Variants in SLC38A11 observed in about 807,000 individuals in gnomAD.
SLC38A11 encodes the protein putative sodium-coupled neutral amino acid transporter 11.
Under a neutral mutation model 49.4 loss-of-function variants are expected in SLC38A11, and 51 were observed. That is an observed-to-expected ratio of 1.03 (90% CI 0.83 to 1.30). SLC38A11 has a LOEUF of 1.30. Ranked by LOEUF, SLC38A11 falls within the 50% of genes most tolerant of loss-of-function variation. SLC38A11 has a pLI of 0.00. For missense variants in SLC38A11, 574 were observed against 556.2 expected (o/e 1.03, Z -0.32); for synonymous variants, 203 against 192.9 (o/e 1.05, Z -0.43).
chr2:164,908,641 T>C lies in SLC38A11; in HGVS notation c.1094A>G (p.Asn365Ser), dbSNP rs552317069. ...GGGTAAATCTTTGCACGTACTCACA[T>C]TGAGTTCTAGAACTATCCCGAGGCA... is the stretch of plus-strand genomic sequence containing the variant. The part of the protein sequence containing the change: ...IDCLGIVLEL[N>S]GVLCATPLIF... The change falls in exon 11 of 12, where the codon AAT (asparagine) becomes AGT (serine). Residue 365 changes from asparagine to serine, a missense_variant and splice_region_variant. Transcript: ENST00000685975. 9 of 1,544,932 alleles carry C rather than the reference T, an allele frequency of 5.8e-6. No individual in the cohort carries two copies. Among genetic ancestry groups the C allele is most frequent in the East Asian group, 4.8e-5 (2 of 42,074 alleles).
intron 11 of SLC38A11, among the ~76,000 whole-genome samples, chr2:164,907,011 A>G (rs1685052878): frequency 6.6e-6 from 1 of 152,178 alleles, no homozygotes; most frequent in South Asian, 2.1e-4. Flanking sequence ...CCTGTGGTGC[A>G]TGACCAATAA....
chr2:164,920,601 A>G (rs779160221), intron 7 of SLC38A11, among the ~76,000 whole-genome samples: 1 of 152,156 alleles, frequency 6.6e-6, no homozygotes, highest in Non-Finnish European at 1.5e-5. Flanking sequence ...GACTATTGAG[A>G]GTAGAAGATG....
chr2:164,915,225 T>C lies in SLC38A11; in HGVS notation c.737A>G (p.Glu246Gly), dbSNP rs1443301879. The part of the protein sequence containing the change: ...NSFLVYSSLE[E>G]PTVAKWSRLI... Reference sequence around the variant, plus strand: ...GCGGGACCACTTAGCTACTGTGGGTTCTTCTAGAGAACTGTAAACTAAGAA... The same window carrying C: ...GCGGGACCACTTAGCTACTGTGGGTCCTTCTAGAGAACTGTAAACTAAGAA... The change falls in exon 9 of 12, where the codon GAA (glutamate) becomes GGA (glycine). Residue 246 changes from glutamate (E) to glycine (G), a missense_variant. Glu to Gly is a moderately conservative substitution (Grantham distance 98). Coordinates refer to ENST00000685975, the MANE Select transcript of SLC38A11 (RefSeq NM_001351537.2). The C allele has an allele frequency of 6.2e-7, 1 of 1,611,920 alleles. No homozygotes were observed. The highest frequency in any genetic ancestry group is 8.5e-7 in the Non-Finnish European group (1 of 1,178,812).
At chr2:164,914,996 G>A (rs13392799) in intron 9 of SLC38A11, 116 bp downstream of exon 9, 22,743 of 946,268 alleles carry the variant, frequency 0.024, 1,418 homozygotes, top group African/African-American at 0.21. Context: ...GAGAATGGGT[G>A]GAAGAGAGTA....
chr2:164,932,411 G>C (rs1415700568), intron 7 of SLC38A11, among the ~76,000 whole-genome samples: 1 of 152,110 alleles, frequency 6.6e-6, no homozygotes, highest in Non-Finnish European at 1.5e-5. Flanking sequence ...CCATTACTGA[G>C]TATATACCAA....
chr2:164,943,997 C>T (rs1272335919), intron 5 of SLC38A11, among the ~76,000 whole-genome samples: 1 of 152,098 alleles, frequency 6.6e-6, no homozygotes, highest in Non-Finnish European at 1.5e-5. Flanking sequence ...GCTGGGACCA[C>T]AGGTGTAGGC....
rs143099153 is a variant in SLC38A11, at chr2:164,941,417, A to T, written c.431-1861T>A. 4.7e-3 allele frequency among the ~76,000 whole-genome samples: 720 copies of T among 152,220 alleles called. 8 individuals carry two copies. The highest frequency in any genetic ancestry group is 0.016 in the African/African-American group (667 of 41,548). On this transcript the variant is annotated intron_variant, in intron 5 of 11. Coordinates refer to ENST00000685975, the MANE Select transcript of SLC38A11 (RefSeq NM_001351537.2). ...AGAGCTTTGGTAAGAATTTTATAGT[A>T]TCCACTTCTAAAAATACTCTGGCAT...
chr2:164,927,508 A>G (rs962772977), intron 7 of SLC38A11, among the ~76,000 whole-genome samples: 2 of 152,144 alleles, frequency 1.3e-5, no homozygotes, highest in Non-Finnish European at 1.5e-5. Context: ...CTTTATTTTT[A>G]TATGGTAGCT....
rs760848685 is a variant in SLC38A11 at position 164,937,334 on chromosome 2, T to C, written c.617+16A>G. On this transcript the variant is annotated intron_variant, in intron 7 of 11. Transcript: ENST00000685975. ...GCTATAAATCAAAGACTGACAAATA[T>C]AACAACATAACTTACATGTGTGGAC... The C allele has an allele frequency of 6.4e-7, 1 of 1,556,174 alleles. No individual in the cohort carries two copies. Among genetic ancestry groups the C allele is most frequent in the African/African-American group, 1.4e-5 (1 of 73,680 alleles).
intron 7 of SLC38A11, among the ~76,000 whole-genome samples, chr2:164,916,749 A>C (rs1237957197): frequency 6.6e-6 from 1 of 152,166 alleles, no homozygotes; most frequent in Non-Finnish European, 1.5e-5. Flanking sequence ...AACAGGCTAC[A>C]TCCTAGTGGA....
chr2:164,905,057 A>C (rs1182778778), intron 11 of SLC38A11, among the ~76,000 whole-genome samples: 1 of 152,134 alleles, frequency 6.6e-6, no homozygotes, highest in Non-Finnish European at 1.5e-5. Flanking sequence ...ATGATACTGC[A>C]AAGCACCTGG....
chr2:164,904,236 C>T (rs1215763954), intron 11 of SLC38A11, among the ~76,000 whole-genome samples: 1 of 152,090 alleles, frequency 6.6e-6, no homozygotes, highest in Non-Finnish European at 1.5e-5. Context: ...CCATAGGGCC[C>T]AATTACTGCA....
chr2:164,952,630 G>C, intron 3 of SLC38A11, 77 bp downstream of exon 3: 1 of 185,278 alleles, frequency 5.4e-6, no homozygotes, highest in East Asian at 2.0e-4. Flanking sequence ...GTTGCAGCAT[G>C]TGTGTGTGTG....
intron 5 of SLC38A11, among the ~76,000 whole-genome samples, chr2:164,942,984 C>A (rs1687883240): frequency 6.6e-6 from 1 of 152,206 alleles, no homozygotes; most frequent in Admixed American, 6.5e-5. Flanking sequence ...TCCGTGATCT[C>A]AAGTTCCACT....
At chr2:164,954,107 T>C (rs1688695263) in intron 2 of SLC38A11, among the ~76,000 whole-genome samples, 1 of 152,102 alleles carries the variant, frequency 6.6e-6, no homozygotes, top group African/African-American at 2.4e-5. Context: ...ATTAATATAT[T>C]GTAATAATTT....
intron 7 of SLC38A11, among the ~76,000 whole-genome samples, chr2:164,919,087 T>C (rs942581435): frequency 1.3e-5 from 2 of 152,092 alleles, no homozygotes; most frequent in African/African-American, 4.8e-5. Flanking sequence ...CTGAAATCCC[T>C]GCACTTTGGG....
chr2:164,944,409 A>C (rs975829137), intron 5 of SLC38A11, among the ~76,000 whole-genome samples, 160 bp downstream of exon 5: 7 of 152,280 alleles, frequency 4.6e-5, no homozygotes, highest in Non-Finnish European at 7.4e-5. Context: ...AGTAGACCAA[A>C]ACTTTAAGAT....
At chr2:164,921,753 G>T (rs1311413093) in intron 7 of SLC38A11, among the ~76,000 whole-genome samples, 1 of 152,046 alleles carries the variant, frequency 6.6e-6, no homozygotes, top group African/African-American at 2.4e-5. Context: ...GCAAATAATG[G>T]TTACTGTAAA....
At position 164,944,597 on chromosome 2, in the gene SLC38A11, C is replaced by A; in HGVS notation, c.402G>T (p.Leu134Phe). ...CTGGGATTCTTTGAAAAACTTTGCT[C>A]AAAGTATCTCCAGCTATTATATTGT... ...ISYNIIAGDT[L>F]SKVFQRIPGV... The change falls in exon 5 of 12, where the codon TTG (leucine) becomes TTT (phenylalanine). Residue 134 changes from leucine to phenylalanine, a missense_variant. Coordinates refer to ENST00000685975, the MANE Select transcript of SLC38A11 (RefSeq NM_001351537.2). The A allele has an allele frequency of 2.2e-6, 3 of 1,345,366 alleles. No individual in the cohort carries two copies. The South Asian group carries it at 6.9e-5, about 31-fold the overall frequency. The allele number at this position is 1,345,366 out of a possible 1,614,324, so 83.3% of individuals were successfully genotyped here.
Sources: gnomAD v4.1 joint callset for allele counts (sites outside exome capture counted in the v4.1 genomes callset) on GRCh38, gnomAD v4.1.1 for gene constraint, MANE v1.5 for transcripts, NCBI Gene and HGNC (gene_info 2026-07-23, HGNC 2026-07-21) for gene names.